The following DNTTIP2 variants were observed in gnomAD, a reference collection of about 807,000 sequenced individuals.
DNTTIP2 encodes deoxynucleotidyltransferase terminal-interacting protein 2.
Under a neutral mutation model 62.4 loss-of-function variants are expected in DNTTIP2, and 47 were observed. That is an observed-to-expected ratio of 0.75 (90% CI 0.60 to 0.96). The LOEUF (loss-of-function observed/expected upper bound fraction) is 0.96, where lower values mean the gene tolerates loss of function less well. DNTTIP2 is among the 40% of genes least tolerant of loss of function. The pLI, the probability that DNTTIP2 is intolerant of heterozygous loss-of-function variation, is 0.00. For synonymous variants in DNTTIP2, 322 were observed against 300.9 expected (o/e 1.07, Z -0.73); for missense variants, 870 against 849.1 (o/e 1.02, Z -0.31).
Position 93,870,730 on chromosome 1 carries a change from C to G in DNTTIP2, c.2130G>C (p.Arg710Ser). The change falls in exon 6 of 7, where the codon AGG becomes AGC. Residue 710 changes from arginine to serine, a missense_variant. Arg to Ser is a moderately radical substitution (Grantham distance 110, BLOSUM62 -1). Transcript: ENST00000436063. ...FYHSRIPKKQRKRTIVEELLA... is the reference protein window; with the variant it reads ...FYHSRIPKKQSKRTIVEELLA... Reference sequence around the variant, plus strand: ...GCAGTTCTTCCACAATAGTTCTTTTCCTTTGCTTCTTGGGAATTCGTGAAT... The same window carrying G: ...GCAGTTCTTCCACAATAGTTCTTTTGCTTTGCTTCTTGGGAATTCGTGAAT... 1 of 1,575,230 alleles carries G rather than the reference C, an allele frequency of 6.3e-7. No individual in the cohort carries two copies. The highest frequency in any genetic ancestry group is 1.2e-5 in the South Asian group (1 of 85,048).
rs1430575437 is a variant in DNTTIP2, at chr1:93,866,653, CCTTTT to C, written c.*3193_*3197del. Reference sequence around the variant, plus strand: ...TTATATAGCCTCCCCACTCCCCACTCCTTTTGTGACATCTAGTTATGGGACCCAAA... The same window carrying C: ...TTATATAGCCTCCCCACTCCCCACTCGTGACATCTAGTTATGGGACCCAAA... On this transcript the variant is annotated 3_prime_UTR_variant, in exon 7 of 7. Transcript: ENST00000436063. The C allele has an allele frequency of 6.6e-6, 1 of 152,166 alleles. No homozygotes were observed. The highest frequency in any genetic ancestry group is 1.5e-5 in the Non-Finnish European group (1 of 68,038). 9.4% of individuals were successfully genotyped at this position (152,166 alleles called of 1,614,324 possible).
At chr1:93,870,892 C>G in intron 5 of DNTTIP2, 100 bp from the exon 6 acceptor site, 1 of 534,970 alleles carries the variant, frequency 1.9e-6, no homozygotes, top group East Asian at 3.4e-5. Context: ...ATGGAAAGAA[C>G]AAGCTTACAT....
At chr1:93,870,830 GC>G in intron 5 of DNTTIP2, 38 bp from the exon 6 acceptor site, 1 of 1,139,090 alleles carries the variant, frequency 8.8e-7, no homozygotes, top group Non-Finnish European at 1.2e-6. Flanking sequence ...TGCATTGAGT[GC>G]CAAGATGCTT....
In DNTTIP2 at chr1:93,868,065, G is replaced by C. The variant is rs1354034926; in HGVS notation, c.*1786C>G. On this transcript the variant is annotated 3_prime_UTR_variant, in exon 7 of 7. Transcript: ENST00000436063. ...AAAGAAACTATTATCAGAGTGCACA[G>C]GCAATCTACAGAATGGGAGAAAATT... 2 of 152,156 alleles carry C rather than the reference G, an allele frequency of 1.3e-5. No individual in the cohort carries two copies. Among genetic ancestry groups the C allele is most frequent in the African/African-American group, 4.8e-5 (2 of 41,432 alleles). 9.4% of individuals were successfully genotyped at this position (152,156 alleles called of 1,614,324 possible).
At position 93,868,125 on chromosome 1, in the gene DNTTIP2, C is replaced by G. The variant is rs1655766856; in HGVS notation, c.*1726G>C. The G allele has an allele frequency of 6.6e-6, 1 of 152,128 alleles. No homozygotes were observed. Among genetic ancestry groups the G allele is most frequent in the African/African-American group, 2.4e-5 (1 of 41,406 alleles). 9.4% of individuals were successfully genotyped at this position (152,128 alleles called of 1,614,324 possible). ...TATCCATCTGACAAAGGGCTAATATCCAGAATCTACAAAGAACTTAAACAA... is the reference window on the plus strand; with the variant it reads ...TATCCATCTGACAAAGGGCTAATATGCAGAATCTACAAAGAACTTAAACAA... On this transcript the variant is annotated 3_prime_UTR_variant, in exon 7 of 7. Coordinates refer to ENST00000436063, the MANE Select transcript of DNTTIP2 (RefSeq NM_014597.5).
chr1:93,868,767 C>A lies in DNTTIP2; in HGVS notation c.*1084G>T, dbSNP rs1445543726. 6 of 152,116 alleles carry A rather than the reference C, an allele frequency of 3.9e-5. No individual in the cohort carries two copies. The highest frequency in any genetic ancestry group is 1.4e-4 in the African/African-American group (6 of 41,434). The allele number at this position is 152,116 out of a possible 1,614,324, so 9.4% of individuals were successfully genotyped here. ...TAACACAAGAACAGAAAACCAAACA[C>A]TGCATGTTCTTACTCGTAAGTGGGA... On this transcript the variant is annotated 3_prime_UTR_variant, in exon 7 of 7. Coordinates refer to ENST00000436063, the MANE Select transcript of DNTTIP2 (RefSeq NM_014597.5).
intron 2 of DNTTIP2, 92 bp downstream of exon 2, chr1:93,876,176 C>A: frequency 1.0e-6 from 1 of 973,806 alleles, no homozygotes; most frequent in Non-Finnish European, 1.3e-6. Flanking sequence ...GTGATTTTCT[C>A]ATTCCCCAGG....
At position 93,869,567 on chromosome 1, in the gene DNTTIP2, A is replaced by G. The variant is rs1003315973; in HGVS notation, c.*284T>C. The G allele has an allele frequency of 6.8e-6, 2 of 292,500 alleles. No individual in the cohort carries two copies. The highest frequency in any genetic ancestry group is 4.4e-5 in the African/African-American group (2 of 45,576). The allele number at this position is 292,500 out of a possible 1,614,324, so 18.1% of individuals were successfully genotyped here. A position where few individuals can be genotyped will look rare whatever the true frequency, so the allele number is the denominator to read the frequency against. On this transcript the variant is annotated 3_prime_UTR_variant, in exon 7 of 7. Coordinates refer to ENST00000436063, the MANE Select transcript of DNTTIP2 (RefSeq NM_014597.5). Reference sequence around the variant, plus strand: ...TCTTTTAATTAAATTTTCTTTAAATAACTAAGCATTGAAAACTTTACAAAC... The same window carrying G: ...TCTTTTAATTAAATTTTCTTTAAATGACTAAGCATTGAAAACTTTACAAAC...
chr1:93,879,093 T>C lies in DNTTIP2; in HGVS notation c.56A>G (p.Glu19Gly). 1.2e-6 allele frequency: 2 copies of C among 1,613,802 alleles called. No homozygotes were observed. The highest frequency in any genetic ancestry group is 1.7e-6 in the Non-Finnish European group (2 of 1,179,874). The change falls in exon 1 of 7, where the codon GAA becomes GGA. Residue 19 changes from glutamate to glycine, a missense_variant. Coordinates refer to ENST00000436063, the MANE Select transcript of DNTTIP2 (RefSeq NM_014597.5). ...AKASIQAASA[E>G]SSGQKSFAAN... ...ATTTCCTACCTTTTGCCCGGAACTT[T>C]CAGCCGACGCGGCTTGGATGCTGGC... is the stretch of plus-strand genomic sequence containing the variant.
chr1:93,870,832 C>T (rs1319643076), intron 5 of DNTTIP2, 40 bp from the exon 6 acceptor site: 3 of 1,124,934 alleles, frequency 2.7e-6, no homozygotes, highest in South Asian at 1.7e-5. Flanking sequence ...CATTGAGTGC[C>T]AAGATGCTTT....
chr1:93,870,831 C>G, intron 5 of DNTTIP2, 39 bp from the exon 6 acceptor site: 1 of 1,127,718 alleles, frequency 8.9e-7, no homozygotes, highest in Admixed American at 2.4e-5. Context: ...GCATTGAGTG[C>G]CAAGATGCTT....
intron 3 of DNTTIP2, among the ~76,000 whole-genome samples, 161 bp downstream of exon 3, chr1:93,875,484 G>A (rs1185475115): frequency 6.6e-6 from 1 of 152,176 alleles, no homozygotes; most frequent in Non-Finnish European, 1.5e-5. Flanking sequence ...TCATAGATAG[G>A]ATTTTATTGT....
chr1:93,877,040 A>C lies in DNTTIP2; in HGVS notation c.895T>G (p.Leu299Val). The C allele has an allele frequency of 1.2e-6, 2 of 1,612,426 alleles. No homozygotes were observed. The highest frequency in any genetic ancestry group is 1.1e-5 in the South Asian group (1 of 91,076). The change falls in exon 2 of 7, where the codon TTG becomes GTG. Residue 299 changes from leucine (L) to valine (V), a missense_variant. Coordinates refer to ENST00000436063, the MANE Select transcript of DNTTIP2 (RefSeq NM_014597.5). ...LKETKQNCKD[L>V]DEDANGITDE... ...GTTATTCCATTGGCATCTTCATCCA[A>C]ATCCTTACAATTCTGTTTTGTTTCT...
Position 93,872,201 on chromosome 1 carries a change from A to C in DNTTIP2, c.1938T>G (p.Phe646Leu). The C allele has an allele frequency of 6.2e-7, 1 of 1,613,810 alleles. No individual in the cohort carries two copies. Among genetic ancestry groups the C allele is most frequent in the African/African-American group, 1.3e-5 (1 of 75,046 alleles). The change falls in exon 5 of 7, where the codon TTT becomes TTG. Residue 646 changes from phenylalanine to leucine, a missense_variant. By Grantham distance (22) the Phe-to-Leu change is conservative. Coordinates refer to ENST00000436063, the MANE Select transcript of DNTTIP2 (RefSeq NM_014597.5). ...ERQKTAGDGW[F>L]GMKAPEMTNE... ...TTGTCATTTCTGGAGCTTTCATACC[A>C]AACCAGCCATCCCCTGCTGTTTTTT...
chr1:93,879,187 C>A lies in DNTTIP2; in HGVS notation c.-39G>T. 1.9e-6 allele frequency: 3 copies of A among 1,603,364 alleles called. No individual in the cohort carries two copies. Among genetic ancestry groups the A allele is most frequent in the Non-Finnish European group, 2.5e-6 (3 of 1,176,980 alleles). ...TCGCGACCACCACGACTTCCCTCTTCCCTGGCGCTCCGGAAATGCGTCAGA... is the reference window on the plus strand; with the variant it reads ...TCGCGACCACCACGACTTCCCTCTTACCTGGCGCTCCGGAAATGCGTCAGA... On this transcript the variant is annotated 5_prime_UTR_variant, in exon 1 of 7. Transcript: ENST00000436063.
intron 6 of DNTTIP2, 38 bp from the exon 7 acceptor site, chr1:93,869,982 C>T (rs1414810309): frequency 1.3e-6 from 1 of 764,314 alleles, no homozygotes; most frequent in South Asian, 1.4e-5. Context: ...TTTGATATAT[C>T]AGACATTAGA....
chr1:93,877,998 C>G lies in DNTTIP2; in HGVS notation c.73-136G>C, dbSNP rs769035279. The G allele has an allele frequency of 2.6e-4, 344 of 1,329,776 alleles. 1 individual carries two copies. The highest frequency in any genetic ancestry group is 3.2e-4 in the Non-Finnish European group (323 of 1,007,298). The allele number at this position is 1,329,776 out of a possible 1,614,324, so 82.4% of individuals were successfully genotyped here. On this transcript the variant is annotated intron_variant, in intron 1 of 6. Coordinates refer to ENST00000436063, the MANE Select transcript of DNTTIP2 (RefSeq NM_014597.5). ...ACAAAAAACAAAAAAACCTGCCCAA[C>G]TCATGATTTTTAAAAAATCAAAATT...
At chr1:93,871,551 A>T (rs530375702) in intron 5 of DNTTIP2, among the ~76,000 whole-genome samples, 2 of 152,184 alleles carry the variant, frequency 1.3e-5, no homozygotes, top group Non-Finnish European at 2.9e-5. Context: ...GACAAGACTG[A>T]GTAGCTAAGT....
Position 93,877,437 on chromosome 1 carries a change from A to T in DNTTIP2, c.498T>A (p.Ser166Arg). ...TTGGATCTGTCAGAGATTTAGCCTT[A>T]CTTCTTCTGGCTCCTGTAGTTTTTT... is the stretch of plus-strand genomic sequence containing the variant. The part of the protein sequence containing the change: ...PTEKTTGARR[S>R]KAKSLTDPSQ... Residue 166 changes from serine (S) to arginine (R), a missense_variant, in exon 2 of 7, where the codon AGT (serine) becomes AGA (arginine). Ser to Arg is a moderately radical substitution (Grantham distance 110, BLOSUM62 -1). Transcript: ENST00000436063. 1 of 1,613,852 alleles carries T rather than the reference A, an allele frequency of 6.2e-7. No individual in the cohort carries two copies. Among genetic ancestry groups the T allele is most frequent in the South Asian group, 1.1e-5 (1 of 91,082 alleles).
Sources: gnomAD v4.1 joint callset for allele counts (sites outside exome capture counted in the v4.1 genomes callset) on GRCh38, gnomAD v4.1.1 for gene constraint, MANE v1.5 for transcripts, NCBI Gene and HGNC (gene_info 2026-07-23, HGNC 2026-07-21) for gene names.